Variants in MED14 observed in about 807,000 individuals in gnomAD.
The protein encoded by MED14 is mediator complex subunit 14.
Under a neutral mutation model 109.0 loss-of-function variants are expected in MED14, and 8 were observed. The observed-to-expected ratio is 0.07, with a 90% CI of 0.04 to 0.13. The LOEUF is 0.13. MED14 is among the 10% of genes least tolerant of loss of function. MED14 has a pLI of 1.00. For synonymous variants in MED14, 399 were observed against 408.7 expected (o/e 0.98, Z 0.29); for missense variants, 711 against 1,142.4 (o/e 0.62, Z 5.44).
At chrX:40,696,203 C>T (rs1930717829) in intron 13 of MED14, among the ~76,000 whole-genome samples, 2 of 104,683 alleles carry the variant, frequency 1.9e-5, no homozygotes, top group African/African-American at 3.5e-5. Flanking sequence ...GGCATGATCT[C>T]GGCTCACTGC....
intron 6 of MED14, 37 bp downstream of exon 6, chrX:40,712,877 C>T (rs1222327372): frequency 4.6e-6 from 5 of 1,088,390 alleles, no homozygotes; most frequent in East Asian, 6.5e-5. Flanking sequence ...AACATTTAAA[C>T]TAATACTTAT....
chrX:40,698,637 T>A (rs1169849849), intron 12 of MED14, among the ~76,000 whole-genome samples: 1 of 112,340 alleles, frequency 8.9e-6, no homozygotes, highest in African/African-American at 3.2e-5. Context: ...GCACATTATT[T>A]AAAAAAGTAA....
chrX:40,715,853 T>C (rs182736177), intron 3 of MED14, among the ~76,000 whole-genome samples: 1 of 94,116 alleles, frequency 1.1e-5, no homozygotes, highest in Non-Finnish European at 2.1e-5. Context: ...AGAGATTATA[T>C]CAAGCTAAAA....
Position 40,711,737 on chromosome X carries a change from C to T in MED14, c.890-436G>A, listed in dbSNP as rs1159836583. 1.8e-5 allele frequency among the ~76,000 whole-genome samples: 2 copies of T among 108,875 alleles called. 1 individual carries two copies. Among genetic ancestry groups the T allele is most frequent in the African/African-American group, 6.7e-5 (2 of 29,911 alleles). 94.5% of individuals were successfully genotyped at this position (108,875 alleles called of 115,157 possible). ...TCCTGGGTTCAAGCGATTCTCCTGT[C>T]TCAGGCTCCCTAGTAGCTGGGATTA... On this transcript the variant is annotated intron_variant, in intron 7 of 30. Transcript: ENST00000324817.
At chrX:40,698,428 C>A (rs922244566) in intron 12 of MED14, among the ~76,000 whole-genome samples, 1 of 112,153 alleles carries the variant, frequency 8.9e-6, no homozygotes, top group South Asian at 3.7e-4. Context: ...AAACTTGAGT[C>A]TAAGTGACTT....
At chrX:40,670,692 C>T (rs750750144) in intron 23 of MED14, among the ~76,000 whole-genome samples, 191 of 108,829 alleles carry the variant, frequency 1.8e-3, no homozygotes, top group Middle Eastern at 4.7e-3. Context: ...ACCCGGGAAG[C>T]GGAGCTTGCA....
At chrX:40,677,587 AAAG>A (rs1929953680) in intron 21 of MED14, among the ~76,000 whole-genome samples, 1 of 112,067 alleles carries the variant, frequency 8.9e-6, no homozygotes, top group South Asian at 3.7e-4. Flanking sequence ...AAAATTTTTT[AAAG>A]AATGGCCAAA....
intron 28 of MED14, 74 bp downstream of exon 28, chrX:40,659,153 C>T: frequency 3.2e-6 from 2 of 634,283 alleles, no homozygotes; most frequent in African/African-American, 4.6e-5. Flanking sequence ...GGGTGAAAAC[C>T]AATAAACACT....
At chrX:40,662,045 A>C (rs1018085024) in intron 26 of MED14, among the ~76,000 whole-genome samples, 4 of 108,944 alleles carry the variant, frequency 3.7e-5, no homozygotes, top group African/African-American at 1.3e-4. Context: ...TGTATTTTTT[A>C]GTAGACGACG....
chrX:40,682,787 C>A, intron 17 of MED14, 38 bp from the exon 18 acceptor site: 2 of 1,204,199 alleles, frequency 1.7e-6, no homozygotes, highest in Non-Finnish European at 1.1e-6. Flanking sequence ...GTAATCGATA[C>A]CAAAAAAATC....
Position 40,651,771 on chromosome X carries a change from A to T in MED14, c.*35T>A, listed in dbSNP as rs1209563061. On this transcript the variant is annotated 3_prime_UTR_variant, in exon 31 of 31. Transcript: ENST00000324817. ...GAATTCAGATTTTTTTTGTTGTCTC[A>T]TCTGTCAGCCTTCCTGGTTTAAAAA... 4.4e-6 allele frequency: 5 copies of T among 1,145,467 alleles called. No homozygotes were observed. The highest frequency in any genetic ancestry group is 3.0e-5 in the Admixed American group (1 of 32,804). The allele number at this position is 1,145,467 out of a possible 1,213,427, so 94.4% of individuals were successfully genotyped here.
rs756495237 is a variant in MED14 at position 40,729,350 on chromosome X, G to GA, written c.216-6dup. ...ACATCAGATTTCCTTGGCAGTCTAA[G>GA]AAGAAAAAAAAAAAACGGATTAGAT... On this transcript the variant is annotated splice_polypyrimidine_tract_variant and splice_region_variant and intron_variant, in intron 1 of 30. Transcript: ENST00000324817. 8.7e-7 allele frequency: 1 copy of GA among 1,150,931 alleles called. No individual in the cohort carries two copies. The highest frequency in any genetic ancestry group is 2.7e-5 in the Admixed American group (1 of 37,078). The allele number at this position is 1,150,931 out of a possible 1,213,427, so 94.8% of individuals were successfully genotyped here. A position where few individuals can be genotyped will look rare whatever the true frequency, so the allele number is the denominator to read the frequency against.
chrX:40,651,717 A>T lies in MED14; in HGVS notation c.*89T>A. On this transcript the variant is annotated 3_prime_UTR_variant, in exon 31 of 31. Transcript: ENST00000324817. Reference sequence around the variant, plus strand: ...TTTAGCTCTTAAAGTTTAAAAAAAAAGTCCTTTTCCTTTTTTAAACTGAAG... The same window carrying T: ...TTTAGCTCTTAAAGTTTAAAAAAAATGTCCTTTTCCTTTTTTAAACTGAAG... 1 of 1,088,379 alleles carries T rather than the reference A, an allele frequency of 9.2e-7. No individual in the cohort carries two copies. Among genetic ancestry groups the T allele is most frequent in the Non-Finnish European group, 1.2e-6 (1 of 837,939 alleles). The allele number at this position is 1,088,379 out of a possible 1,213,427, so 89.7% of individuals were successfully genotyped here.
intron 3 of MED14, chrX:40,714,993 A>AAT (rs1931461518): frequency 4.5e-6 from 1 of 221,321 alleles, no homozygotes; most frequent in Admixed American, 6.7e-5. Flanking sequence ...AGTTAGGAAA[A>AAT]ATAAGTAGAA....
At position 40,672,017 on chromosome X, in the gene MED14, G is replaced by A. The variant is rs1242324016; in HGVS notation, c.3022-45C>T. ...ATGTTGGTAAAATGGCCAACCGCAC[G>A]GAGCATAAGAGTGTGGCTTTCACTA... On this transcript the variant is annotated intron_variant, in intron 22 of 30. Coordinates refer to ENST00000324817, the MANE Select transcript of MED14 (RefSeq NM_004229.4). The A allele has an allele frequency of 8.7e-6, 7 of 807,411 alleles. No homozygotes were observed. In the East Asian group the frequency reaches 1.3e-4, roughly 15 times the overall value. 66.5% of individuals were successfully genotyped at this position (807,411 alleles called of 1,213,427 possible).
At chrX:40,670,085 A>C (rs1028800620) in intron 23 of MED14, among the ~76,000 whole-genome samples, 5 of 111,827 alleles carry the variant, frequency 4.5e-5, no homozygotes, top group Admixed American at 2.8e-4. Flanking sequence ...TTAAAACGAC[A>C]CCACTGAAGT....
intron 24 of MED14, among the ~76,000 whole-genome samples, chrX:40,664,877 T>C (rs753875505): frequency 1.8e-5 from 2 of 111,619 alleles, no homozygotes; most frequent in African/African-American, 3.3e-5. Flanking sequence ...CTACTCTAAG[T>C]AGAATGAGGA....
chrX:40,682,387 A>G (rs1436272055), intron 18 of MED14, among the ~76,000 whole-genome samples: 1 of 111,977 alleles, frequency 8.9e-6, no homozygotes, highest in Admixed American at 9.5e-5. Flanking sequence ...GATATGGTAT[A>G]CCTGTGTGTA....
chrX:40,663,426 G>A (rs1466189003), intron 25 of MED14, among the ~76,000 whole-genome samples: 1 of 84 alleles, frequency 0.012, no homozygotes, highest in East Asian at 0.25. Flanking sequence ...AACCTGGCTG[G>A]CCTAGTATTT....
Sources: gnomAD v4.1 joint callset for allele counts (sites outside exome capture counted in the v4.1 genomes callset) on GRCh38, gnomAD v4.1.1 for gene constraint, MANE v1.5 for transcripts, NCBI Gene and HGNC (gene_info 2026-07-23, HGNC 2026-07-21) for gene names.